ETS2: variants seen among roughly 807,000 people sequenced by gnomAD.
ETS2 encodes ETS proto-oncogene 2, transcription factor, also known as protein C-ets-2.
ETS2 carries 19 observed loss-of-function variants against 54.9 expected under a neutral mutation model. That is an observed-to-expected ratio of 0.35 (90% CI 0.24 to 0.51). The LOEUF is 0.51. ETS2 is among the 20% of genes least tolerant of loss of function. The pLI, the probability that ETS2 is intolerant of heterozygous loss-of-function variation, is 0.97. For synonymous variants in ETS2, 219 were observed against 229.3 expected, an observed-to-expected ratio of 0.95 and a Z score of 0.41; for missense variants, 417 against 593.0, an observed-to-expected ratio of 0.70 and a Z score of 3.08.
At chr21:38,818,385 C>A in intron 6 of ETS2, 40 bp from the exon 7 acceptor site, 1 of 1,612,582 alleles carries the variant, frequency 6.2e-7, no homozygotes, top group Non-Finnish European at 8.5e-7. Flanking sequence ...TGGGGTAACA[C>A]TGACTTTAAG....
upstream of ETS2, chr21:38,805,734 C>T: frequency 5.8e-6 from 5 of 862,520 alleles, no homozygotes; most frequent in East Asian, 7.3e-5. The surrounding 1 kb of genome is among the most constrained non-coding windows in gnomAD (Gnocchi z 5.2). Context: ...CCTGCTGCCC[C>T]CTTCCCTCTC....
At position 38,818,505 on chromosome 21, in the gene ETS2, G is replaced by T. The variant is rs1349030537; in HGVS notation, c.670G>T (p.Ala224Ser). The change falls in exon 7 of 10, where the codon GCC (alanine) becomes TCC (serine). Residue 224 changes from alanine to serine, a missense_variant. Coordinates refer to ENST00000360938, the MANE Select transcript of ETS2 (RefSeq NM_005239.6). The stretch of plus-strand genomic sequence containing the variant: ...CGGCCTCCTGGACAGCATGTGTCCG[G>T]CCTCCACACCCAGCGTACTCAGCTC... ...KGGLLDSMCP[A>S]STPSVLSSEQ... 1 of 1,614,026 alleles carries T rather than the reference G, an allele frequency of 6.2e-7. No individual in the cohort carries two copies. Among genetic ancestry groups the T allele is most frequent in the African/African-American group, 1.3e-5 (1 of 74,896 alleles).
chr21:38,815,175 A>AGTGTGT (rs3065531), intron 5 of ETS2, among the ~76,000 whole-genome samples, 194 bp downstream of exon 5: 2,840 of 149,874 alleles, frequency 0.019, 34 homozygotes, highest in Non-Finnish European at 0.025. Flanking sequence ...ACTTTATGTG[A>AGTGTGT]GTGTGTGTGT....
At chr21:38,807,895 C>G (rs577670190) in intron 1 of ETS2, among the ~76,000 whole-genome samples, 1 of 152,300 alleles carries the variant, frequency 6.6e-6, no homozygotes, top group African/African-American at 2.4e-5. Context: ...TGATTTTGGC[C>G]TTCTGTTTGA....
At chr21:38,817,858 G>T (rs1183989040) in intron 6 of ETS2, among the ~76,000 whole-genome samples, 2 of 152,208 alleles carry the variant, frequency 1.3e-5, no homozygotes, top group Admixed American at 6.5e-5. Flanking sequence ...CCCACTGGGG[G>T]CTTCCTGCTC....
intron 6 of ETS2, 136 bp from the exon 7 acceptor site, chr21:38,818,289 C>T (rs2060943156): frequency 8.4e-7 from 1 of 1,193,862 alleles, no homozygotes; most frequent in Non-Finnish European, 1.2e-6. Flanking sequence ...CAGACCCCCA[C>T]CAAAGCCCGG....
At position 38,814,134 on chromosome 21, in the gene ETS2, A is replaced by T; in HGVS notation, c.185-139A>T. On this transcript the variant is annotated intron_variant, in intron 3 of 9. Coordinates refer to ENST00000360938, the MANE Select transcript of ETS2 (RefSeq NM_005239.6). This position sits in a 1 kb window ranked among gnomAD's most constrained non-coding sequence, Gnocchi z 4.2. ...ATAGTCAGAAAAGTTTTTTGTTAAT[A>T]GTTACACTGTTTTAAGGAATCATGC... 1 of 791,836 alleles carries T rather than the reference A, an allele frequency of 1.3e-6. No individual in the cohort carries two copies. 49.1% of individuals were successfully genotyped at this position (791,836 alleles called of 1,614,324 possible).
chr21:38,821,977 T>G lies in ETS2; in HGVS notation c.1194+273T>G, dbSNP rs983378123. On this transcript the variant is annotated intron_variant, in intron 9 of 9. Transcript: ENST00000360938. The surrounding 1 kb of genome is among the most constrained non-coding windows in gnomAD (Gnocchi z 4.2). The stretch of plus-strand genomic sequence containing the variant: ...TGATCAAGAGGCCCAAGCTGCAAAC[T>G]GAGGTTCTCTGCTGACCATCTGAAA... Among the ~76,000 whole-genome samples, 4 of 152,190 alleles carry G rather than the reference T, an allele frequency of 2.6e-5. No homozygotes were observed. Among genetic ancestry groups the G allele is most frequent in the Non-Finnish European group, 5.9e-5 (4 of 68,036 alleles).
chr21:38,805,189 C>A, upstream of ETS2: 1 of 540,400 alleles, frequency 1.9e-6, no homozygotes, highest in Non-Finnish European at 2.8e-6. The surrounding 1 kb of genome is among the most constrained non-coding windows in gnomAD (Gnocchi z 5.2). Flanking sequence ...GGGCGCCACT[C>A]CCGCGGAGCC....
At chr21:38,820,076 C>G (rs1410055126) in intron 8 of ETS2, among the ~76,000 whole-genome samples, 1 of 152,176 alleles carries the variant, frequency 6.6e-6, no homozygotes, top group African/African-American at 2.4e-5. Context: ...CCTGACTCAC[C>G]CACTCCAAGA....
At chr21:38,810,348 G>C (rs942565866) in intron 2 of ETS2, among the ~76,000 whole-genome samples, 2 of 152,160 alleles carry the variant, frequency 1.3e-5, no homozygotes, top group East Asian at 3.8e-4. Context: ...TTTATAGCTT[G>C]TTTTCTGAGG....
chr21:38,820,404 A>G (rs2060953222), intron 8 of ETS2, among the ~76,000 whole-genome samples: 1 of 152,212 alleles, frequency 6.6e-6, no homozygotes, highest in South Asian at 2.1e-4. Context: ...AGTTTAAAAT[A>G]AGGATACTGA....
chr21:38,821,448 C>A lies in ETS2; in HGVS notation c.1076-138C>A. 1.4e-6 allele frequency: 1 copy of A among 717,054 alleles called. No individual in the cohort carries two copies. The highest frequency in any genetic ancestry group is 2.5e-6 in the Non-Finnish European group (1 of 402,710). 44.4% of individuals were successfully genotyped at this position (717,054 alleles called of 1,614,324 possible). A position where few individuals can be genotyped will look rare whatever the true frequency, so the allele number is the denominator to read the frequency against. On this transcript the variant is annotated intron_variant, in intron 8 of 9. Coordinates refer to ENST00000360938, the MANE Select transcript of ETS2 (RefSeq NM_005239.6). The surrounding 1 kb of genome is among the most constrained non-coding windows in gnomAD (Gnocchi z 4.2). ...TGTCACCAACACCTTGAGTGCCACC[C>A]TGAGTGTAACATCGGAACCCCATTC...
intron 8 of ETS2, among the ~76,000 whole-genome samples, chr21:38,820,724 G>C (rs2060954630): frequency 6.6e-6 from 1 of 152,230 alleles, no homozygotes; most frequent in Non-Finnish European, 1.5e-5. Flanking sequence ...ACACAGCTCT[G>C]GTTCTAGAAT....
In ETS2 at chr21:38,806,649, G is replaced by C; in HGVS notation, c.-1+529G>C. ...GAAGGCTGCGGCACCGCGGGAACCT[G>C]CGGGGCGCGGGGTGCCATGGTCACC... On this transcript the variant is annotated intron_variant, in intron 1 of 9. Coordinates refer to ENST00000360938, the MANE Select transcript of ETS2 (RefSeq NM_005239.6). This position sits in a 1 kb window ranked among gnomAD's most constrained non-coding sequence, Gnocchi z 4.3. 5 of 985,370 alleles carry C rather than the reference G, an allele frequency of 5.1e-6. No homozygotes were observed. The highest frequency in any genetic ancestry group is 6.0e-6 in the Non-Finnish European group (5 of 829,956). The allele number at this position is 985,370 out of a possible 1,614,324, so 61.0% of individuals were successfully genotyped here.
intron 5 of ETS2, among the ~76,000 whole-genome samples, chr21:38,816,491 T>C (rs2060936023): frequency 2.6e-5 from 4 of 152,122 alleles, no homozygotes; most frequent in Admixed American, 2.6e-4. Flanking sequence ...TAAGTATGCA[T>C]ACACAGTGCA....
chr21:38,821,749 T>C lies in ETS2; in HGVS notation c.1194+45T>C, dbSNP rs549024713. 2.2e-6 allele frequency: 3 copies of C among 1,394,528 alleles called. No homozygotes were observed. Among genetic ancestry groups the C allele is most frequent in the South Asian group, 2.3e-5 (2 of 86,384 alleles). The allele number at this position is 1,394,528 out of a possible 1,614,324, so 86.4% of individuals were successfully genotyped here. A position where few individuals can be genotyped will look rare whatever the true frequency, so the allele number is the denominator to read the frequency against. On this transcript the variant is annotated intron_variant, in intron 9 of 9. Coordinates refer to ENST00000360938, the MANE Select transcript of ETS2 (RefSeq NM_005239.6). This position sits in a 1 kb window ranked among gnomAD's most constrained non-coding sequence, Gnocchi z 4.2. ...AAATCTCTGGGCTTGAAAACCTGATTTCCTGCTTGCATTCAAAAACTCAGT... is the reference window on the plus strand; with the variant it reads ...AAATCTCTGGGCTTGAAAACCTGATCTCCTGCTTGCATTCAAAAACTCAGT...
Position 38,806,597 on chromosome 21 carries a change from G to A in ETS2, c.-1+477G>A, listed in dbSNP as rs1050407065. The A allele has an allele frequency of 4.1e-6, 4 of 985,388 alleles. No individual in the cohort carries two copies. Among genetic ancestry groups the A allele is most frequent in the Non-Finnish European group, 4.8e-6 (4 of 829,950 alleles). The allele number at this position is 985,388 out of a possible 1,614,324, so 61.0% of individuals were successfully genotyped here. A position where few individuals can be genotyped will look rare whatever the true frequency, so the allele number is the denominator to read the frequency against. On this transcript the variant is annotated intron_variant, in intron 1 of 9. Coordinates refer to ENST00000360938, the MANE Select transcript of ETS2 (RefSeq NM_005239.6). The surrounding 1 kb of genome is among the most constrained non-coding windows in gnomAD (Gnocchi z 4.3). Reference sequence around the variant, plus strand: ...GACTTCCTGGAGCGGCGCCGGGCCCGGAGGATCTGGGGCGCCCAAGACACC... The same window carrying A: ...GACTTCCTGGAGCGGCGCCGGGCCCAGAGGATCTGGGGCGCCCAAGACACC...
intron 6 of ETS2, 25 bp downstream of exon 6, chr21:38,817,116 A>C (rs1466069509): frequency 1.4e-6 from 2 of 1,472,800 alleles, no homozygotes; most frequent in Non-Finnish European, 1.9e-6. Flanking sequence ...TTCTGCCCTT[A>C]AGAACTTTGT....
Sources: gnomAD v4.1 joint callset for allele counts (sites outside exome capture counted in the v4.1 genomes callset) on GRCh38, gnomAD v4.1.1 for gene constraint, Gnocchi (gnomAD v3.1) non-coding constraint, MANE v1.5 for transcripts, NCBI Gene and HGNC (gene_info 2026-07-23, HGNC 2026-07-21) for gene names.